The following RERE variants were observed in gnomAD, a reference collection of about 807,000 sequenced individuals.
The protein encoded by RERE is arginine-glutamic acid dipeptide repeats.
Under a neutral mutation model 146.1 loss-of-function variants are expected in RERE, and 40 were observed. The observed-to-expected ratio is 0.27, with a 90% CI of 0.21 to 0.36. The LOEUF (loss-of-function observed/expected upper bound fraction) is 0.36, where lower values mean the gene tolerates loss of function less well. RERE is among the 10% of genes least tolerant of loss of function. The pLI is 1.00. For synonymous variants in RERE, 1,003 were observed against 866.0 expected, an observed-to-expected ratio of 1.16 and a Z score of -2.78; for missense variants, 1,933 against 2,138.7, an observed-to-expected ratio of 0.90 and a Z score of 1.90.
chr1:8,630,071 C>A (rs950045206), intron 2 of RERE, among the ~76,000 whole-genome samples: 1 of 152,160 alleles, frequency 6.6e-6, no homozygotes, highest in African/African-American at 2.4e-5. Context: ...CAATGAGGTA[C>A]AGTATGTTGG....
At chr1:8,633,742 C>T (rs899843377) in intron 2 of RERE, among the ~76,000 whole-genome samples, 9 of 151,722 alleles carry the variant, frequency 5.9e-5, no homozygotes. Context: ...ACCTGGGCAA[C>T]GTGGCAAAAC....
At chr1:8,598,153 G>A (rs937332129) in intron 4 of RERE, among the ~76,000 whole-genome samples, 3 of 152,150 alleles carry the variant, frequency 2.0e-5, no homozygotes, top group Non-Finnish European at 2.9e-5. Context: ...GTGTGTATTC[G>A]AAAGATTTCC....
intron 15 of RERE, among the ~76,000 whole-genome samples, chr1:8,363,425 C>T (rs898437081): frequency 8.5e-5 from 13 of 152,132 alleles, no homozygotes; most frequent in Non-Finnish European, 1.3e-4. Flanking sequence ...TCTGAGTGAG[C>T]GGGGGCCGGG....
Position 8,520,200 on chromosome 1 carries a change from A to G in RERE, c.831-11525T>C, listed in dbSNP as rs192649499. Reference sequence around the variant, plus strand: ...AAAATCCAAAATCATAAAATTCTAAATTTTCTCTGTGGAAAGTTCCTGAGA... The same window carrying G: ...AAAATCCAAAATCATAAAATTCTAAGTTTTCTCTGTGGAAAGTTCCTGAGA... On this transcript the variant is annotated intron_variant, in intron 7 of 22. Transcript: ENST00000400908. 3.3e-4 allele frequency among the ~76,000 whole-genome samples: 51 copies of G among 152,292 alleles called. 1 individual carries two copies. The highest frequency in any genetic ancestry group is 7.8e-4 in the Admixed American group (12 of 15,296).
chr1:8,746,277 C>T (rs1335232112), intron 1 of RERE, among the ~76,000 whole-genome samples: 1 of 152,098 alleles, frequency 6.6e-6, no homozygotes, highest in Non-Finnish European at 1.5e-5. Flanking sequence ...ACAAAGCACC[C>T]TCCTTACTGA....
At chr1:8,685,165 G>A (rs975284156) in intron 1 of RERE, among the ~76,000 whole-genome samples, 9 of 152,166 alleles carry the variant, frequency 5.9e-5, no homozygotes, top group South Asian at 2.1e-4. Context: ...GCCCAAATTT[G>A]GATTTTAAAG....
chr1:8,610,337 TC>T (rs1646777484), intron 4 of RERE, among the ~76,000 whole-genome samples: 1 of 152,014 alleles, frequency 6.6e-6, no homozygotes, highest in Non-Finnish European at 1.5e-5. Flanking sequence ...ACGCCTGTAA[TC>T]CCAGCACTTT....
chr1:8,697,255 A>G (rs1639351593), intron 1 of RERE, among the ~76,000 whole-genome samples: 1 of 152,258 alleles, frequency 6.6e-6, no homozygotes, highest in Non-Finnish European at 1.5e-5. Flanking sequence ...AGAAGGTAAC[A>G]GTAAGAAATA....
At chr1:8,608,346 T>C (rs2124172384) in intron 4 of RERE, among the ~76,000 whole-genome samples, 1 of 152,072 alleles carries the variant, frequency 6.6e-6, no homozygotes, top group South Asian at 2.1e-4. Context: ...CTACAAAAAT[T>C]TAAAAAATTT....
intron 1 of RERE, among the ~76,000 whole-genome samples, chr1:8,779,891 T>C (rs1239752579): frequency 6.6e-6 from 1 of 152,156 alleles, no homozygotes; most frequent in African/African-American, 2.4e-5. Context: ...CACTCATTTA[T>C]TTAAAAAACA....
At chr1:8,769,373 A>G (rs1250790741) in intron 1 of RERE, among the ~76,000 whole-genome samples, 2 of 152,262 alleles carry the variant, frequency 1.3e-5, no homozygotes, top group East Asian at 3.8e-4. Flanking sequence ...GTCCAAGTAC[A>G]AAGTGATAGG....
chr1:8,447,509 G>A (rs1455965260), intron 11 of RERE, among the ~76,000 whole-genome samples: 1 of 152,134 alleles, frequency 6.6e-6, no homozygotes, highest in African/African-American at 2.4e-5. Flanking sequence ...TGATGTTGAT[G>A]GTATTCCTTT....
chr1:8,673,619 T>C (rs2124379161), intron 1 of RERE, among the ~76,000 whole-genome samples: 1 of 152,324 alleles, frequency 6.6e-6, no homozygotes, highest in East Asian at 1.9e-4. Context: ...GTCAAGATCT[T>C]GGAAAGAAGG....
chr1:8,768,126 T>C (rs1294943550), intron 1 of RERE, among the ~76,000 whole-genome samples: 5 of 152,184 alleles, frequency 3.3e-5, no homozygotes, highest in Non-Finnish European at 7.3e-5. Context: ...ATTAGCTGAA[T>C]GATGTCTTTT....
chr1:8,440,216 G>T (rs182409334), intron 11 of RERE, among the ~76,000 whole-genome samples: 3 of 152,322 alleles, frequency 2.0e-5, no homozygotes, highest in Admixed American at 2.0e-4. Flanking sequence ...TGTAGTATGT[G>T]GAAGGGGCCA....
In RERE at chr1:8,582,830, G is replaced by A. The variant is rs151112954; in HGVS notation, c.523-25307C>T. Among the ~76,000 whole-genome samples the A allele has an allele frequency of 2.7e-3, 417 of 152,218 alleles. 3 individuals carry two copies. Among genetic ancestry groups the A allele is most frequent in the African/African-American group, 9.6e-3 (400 of 41,534 alleles). On this transcript the variant is annotated intron_variant, in intron 4 of 22. Coordinates refer to ENST00000400908, the MANE Select transcript of RERE (RefSeq NM_001042681.2). ...AGAACAGCATATTCTCACCATCAAA[G>A]GTGAAATTTCACAGGCCAATTAGGG...
intron 10 of RERE, among the ~76,000 whole-genome samples, chr1:8,477,339 C>T (rs1644769940): frequency 6.6e-6 from 1 of 152,212 alleles, no homozygotes; most frequent in Admixed American, 6.5e-5. Context: ...GGGAGAAAAG[C>T]TCCTGGCACA....
chr1:8,393,519 T>C (rs1382513624), intron 12 of RERE, among the ~76,000 whole-genome samples: 1 of 152,220 alleles, frequency 6.6e-6, no homozygotes, highest in Admixed American at 6.5e-5. Flanking sequence ...TGTTTAATTC[T>C]ACTCATAAAA....
chr1:8,482,301 G>A (rs1204969594), intron 10 of RERE, among the ~76,000 whole-genome samples: 1 of 152,058 alleles, frequency 6.6e-6, no homozygotes, highest in Admixed American at 6.6e-5. Context: ...AGAAGAAAGT[G>A]GGGTATAAAG....
Sources: allele counts gnomAD v4.1 joint callset (sites outside exome capture counted in the v4.1 genomes callset), GRCh38; gene constraint gnomAD v4.1.1; transcripts MANE v1.5; gene names NCBI Gene and HGNC (gene_info 2026-07-23, HGNC 2026-07-21).